Variants in S100PBP observed in about 807,000 individuals in gnomAD.
The protein encoded by S100PBP is S100P-binding protein.
A neutral mutation model predicts 39.9 loss-of-function variants in S100PBP; 15 were observed. The ratio of observed to expected loss-of-function variants is 0.38; its 90% CI spans 0.25 to 0.58. The LOEUF (loss-of-function observed/expected upper bound fraction) is 0.58. Among genes scored for constraint, S100PBP ranks in the 20% least tolerant of loss-of-function variants. The pLI is 0.70. For missense variants in S100PBP, 504 were observed against 487.3 expected (o/e 1.03, Z -0.32); for synonymous variants, 178 against 180.3 (o/e 0.99, Z 0.10).
intron 5 of S100PBP, among the ~76,000 whole-genome samples, chr1:32,838,096 CT>C (rs1472042142): frequency 9.2e-5 from 14 of 152,080 alleles, no homozygotes; most frequent in African/African-American, 2.9e-4. Context: ...AATCCCAGCA[CT>C]TTTGGAGGCC....
chr1:32,852,727 CTATCA>C (rs755521062), intron 5 of S100PBP: 3 of 186,832 alleles, frequency 1.6e-5, no homozygotes, highest in Non-Finnish European at 3.4e-5. Context: ...GTCTGTATTT[CTATCA>C]CTGCATTTAT....
intron 5 of S100PBP, among the ~76,000 whole-genome samples, chr1:32,843,696 G>C (rs749036571): frequency 2.0e-5 from 3 of 151,904 alleles, no homozygotes; most frequent in Non-Finnish European, 4.4e-5. Flanking sequence ...CAAGTGATCC[G>C]ACCACCTTGG....
At chr1:32,817,511 G>A (rs1213613060), upstream of S100PBP, 4 of 598,428 alleles carry the variant, frequency 6.7e-6, no homozygotes, top group Admixed American at 3.0e-5. Flanking sequence ...AGGCGCCTGA[G>A]CGGGGCACAA....
At chr1:32,854,182 A>G (rs1323442787) in intron 6 of S100PBP, among the ~76,000 whole-genome samples, 1 of 152,188 alleles carries the variant, frequency 6.6e-6, no homozygotes, top group Non-Finnish European at 1.5e-5. Flanking sequence ...TAGGTTCTGC[A>G]TATACAGTTG....
In S100PBP at chr1:32,826,722, A is replaced by G; in HGVS notation, c.623A>G (p.Asn208Ser). 6.2e-7 allele frequency: 1 copy of G among 1,613,298 alleles called. No homozygotes were observed. Reference sequence around the variant, plus strand: ...ATCAGCCCCAATAACTCTGCCTGGAATGGGCCCCAGCTCTCTTCTTCAAAC... The same window carrying G: ...ATCAGCCCCAATAACTCTGCCTGGAGTGGGCCCCAGCTCTCTTCTTCAAAC... ...EGISPNNSAW[N>S]GPQLSSSNNN... is the part of the protein sequence containing the mutation. Residue 208 changes from asparagine (N) to serine (S), a missense_variant, in exon 3 of 7, where the codon AAT becomes AGT. By Grantham distance (46) the Asn-to-Ser change is conservative. Coordinates refer to ENST00000373475, the MANE Select transcript of S100PBP (RefSeq NM_022753.4).
intron 5 of S100PBP, chr1:32,836,573 A>G: frequency 2.0e-6 from 2 of 983,384 alleles, no homozygotes; most frequent in Non-Finnish European, 2.4e-6. Flanking sequence ...TCTTTCTTGA[A>G]TTGTTTATTT....
At chr1:32,817,191 C>A (rs768856707), upstream of S100PBP, 1 of 1,614,202 alleles carries the variant, frequency 6.2e-7, no homozygotes, top group Non-Finnish European at 8.5e-7. Flanking sequence ...GCCTGACCTG[C>A]AGGTTCCGGG....
chr1:32,824,774 G>A (rs1639246494), intron 1 of S100PBP: 1 of 144,046 alleles, frequency 6.9e-6, no homozygotes, highest in Non-Finnish European at 1.5e-5. Context: ...TTGTGCCCAG[G>A]CTTGTGTTTG....
intron 5 of S100PBP, among the ~76,000 whole-genome samples, chr1:32,837,943 G>A (rs1639906356): frequency 6.6e-6 from 1 of 152,074 alleles, no homozygotes; most frequent in South Asian, 2.1e-4. Flanking sequence ...AAAACTGTTA[G>A]GAACATTCAT....
chr1:32,850,402 G>A (rs1248951665), intron 5 of S100PBP, among the ~76,000 whole-genome samples: 1 of 152,156 alleles, frequency 6.6e-6, no homozygotes, highest in African/African-American at 2.4e-5. Flanking sequence ...AGGTGAAAGT[G>A]GGGTATTGGA....
rs561798920 is a variant in S100PBP, at chr1:32,837,421, A to G, written c.1024+7354A>G. Among the ~76,000 whole-genome samples, 4 of 144,672 alleles carry G rather than the reference A, an allele frequency of 2.8e-5. No homozygotes were observed. The East Asian group carries it at 6.6e-4, about 24-fold the overall frequency. 94.9% of individuals were successfully genotyped at this position (144,672 alleles called of 152,430 possible). ...CTGCCTCAGCCTCCTAGCTGGGATT[A>G]TAGGCACCGGCCACCTGCCTGTAAT... On this transcript the variant is annotated intron_variant, in intron 5 of 6. Transcript: ENST00000373475.
intron 5 of S100PBP, chr1:32,843,223 T>C (rs187193498): frequency 6.6e-6 from 1 of 152,352 alleles, no homozygotes; most frequent in Non-Finnish European, 1.5e-5. Flanking sequence ...AAAGAAATTT[T>C]TACTTGTTTC....
At chr1:32,817,021 C>CTGCT, upstream of S100PBP, 1 of 838,902 alleles carries the variant, frequency 1.2e-6, no homozygotes, top group South Asian at 1.4e-5. Context: ...CAGGGAAGGG[C>CTGCT]TGCTTGATTG....
chr1:32,838,956 A>G (rs951870276), intron 5 of S100PBP, among the ~76,000 whole-genome samples: 8 of 152,120 alleles, frequency 5.3e-5, no homozygotes, highest in Non-Finnish European at 1.5e-5. Context: ...GCACATCTGA[A>G]GCTTTGTTTT....
intron 5 of S100PBP, among the ~76,000 whole-genome samples, chr1:32,845,178 C>T (rs1265481554): frequency 2.0e-5 from 3 of 152,102 alleles, no homozygotes; most frequent in Non-Finnish European, 4.4e-5. Context: ...GCGCCCGCCA[C>T]CTCACCCGGC....
chr1:32,824,186 A>G (rs1406808964), intron 1 of S100PBP, among the ~76,000 whole-genome samples: 1 of 148,986 alleles, frequency 6.7e-6, no homozygotes, highest in African/African-American at 2.5e-5. Flanking sequence ...AGCCTGGGCA[A>G]CAGAGTGAGA....
rs1163709103 is a variant in S100PBP, at chr1:32,842,196, A to C, written c.1025-10883A>C. Among the ~76,000 whole-genome samples the C allele has an allele frequency of 2.5e-5, 3 of 119,808 alleles. No homozygotes were observed. The Admixed American group carries it at 3.1e-4, about 12-fold the overall frequency. The allele number at this position is 119,808 out of a possible 152,430, so 78.6% of individuals were successfully genotyped here. ...AGACTGTCTCAAAAAAAAAAAAAAA[A>C]AAAAAAACATATATATATATATATG... On this transcript the variant is annotated intron_variant, in intron 5 of 6. Transcript: ENST00000373475.
At chr1:32,845,931 G>A (rs750997234) in intron 5 of S100PBP, among the ~76,000 whole-genome samples, 3 of 151,822 alleles carry the variant, frequency 2.0e-5, no homozygotes, top group Non-Finnish European at 2.9e-5. Flanking sequence ...TATCCACCTC[G>A]GCCTCCCAAA....
chr1:32,854,787 C>A (rs1008936784), intron 6 of S100PBP, among the ~76,000 whole-genome samples: 3 of 152,200 alleles, frequency 2.0e-5, no homozygotes, highest in African/African-American at 7.2e-5. Context: ...TAATACTCTT[C>A]CTCTTGCTTC....
Sources: allele counts gnomAD v4.1 joint callset (sites outside exome capture counted in the v4.1 genomes callset), GRCh38; gene constraint gnomAD v4.1.1; transcripts MANE v1.5; gene names NCBI Gene and HGNC (gene_info 2026-07-23, HGNC 2026-07-21).